Variants in TTC6 observed in about 807,000 individuals in gnomAD.
TTC6 encodes tetratricopeptide repeat domain 6.
TTC6 carries 172 observed loss-of-function variants against 210.4 expected under a neutral mutation model. The observed-to-expected ratio is 0.82, with a 90% CI of 0.72 to 0.93. The LOEUF (loss-of-function observed/expected upper bound fraction) is 0.93, where lower values mean the gene tolerates loss of function less well. TTC6 is among the 40% of genes least tolerant of loss of function. The probability of loss-of-function intolerance (pLI) is 0.00; values close to 1 mark genes in which losing one functional copy is unlikely to be tolerated. For missense variants in TTC6, 2,414 were observed against 2,318.1 expected, an observed-to-expected ratio of 1.04 and a Z score of -0.85; for synonymous variants, 804 against 819.6, an observed-to-expected ratio of 0.98 and a Z score of 0.32.
At chr14:37,748,835 GT>G (rs1433627956) in intron 10 of TTC6, 103 bp from the exon 13 acceptor site, 1 of 861,798 alleles carries the variant, frequency 1.2e-6, no homozygotes, top group Non-Finnish European at 1.7e-6. Context: ...ATGTAATTTT[GT>G]TTTGATAACA....
exon 17 of TTC6, chr14:37,792,322 T>C (rs760646327): frequency 1.3e-6 from 2 of 1,533,146 alleles, no homozygotes; most frequent in African/African-American, 1.4e-5. Flanking sequence ...CCTGGATAAC[T>C]ACACGGAAGC....
intron 29 of TTC6, among the ~76,000 whole-genome samples, chr14:37,832,182 T>C (rs2096186882): frequency 6.6e-6 from 1 of 152,030 alleles, no homozygotes; most frequent in East Asian, 1.9e-4. Context: ...CAGTTTTGTT[T>C]ATTTGGGTCT....
chr14:37,762,788 T>C (rs1392371012), intron 14 of TTC6, among the ~76,000 whole-genome samples: 15 of 152,194 alleles, frequency 9.9e-5, no homozygotes, highest in Admixed American at 9.8e-4. Context: ...TTACATTGAT[T>C]TATTTACACG....
chr14:37,780,547 A>T (rs1206339636), intron 14 of TTC6, among the ~76,000 whole-genome samples: 2 of 152,162 alleles, frequency 1.3e-5, no homozygotes, highest in Non-Finnish European at 2.9e-5. Context: ...AATGGCTTCT[A>T]ACTCCATCCA....
intron 1 of TTC6, among the ~76,000 whole-genome samples, chr14:37,635,526 A>C (rs1395196626): frequency 6.6e-6 from 1 of 152,174 alleles, no homozygotes; most frequent in African/African-American, 2.4e-5. Context: ...TAAAAATATG[A>C]CTCAATGATA....
chr14:37,696,874 GAGT>G, intron 4 of TTC6, 39 bp downstream of exon 6: 1 of 895,028 alleles, frequency 1.1e-6, no homozygotes, highest in South Asian at 2.6e-5. Flanking sequence ...ATTGGGAGAG[GAGT>G]TATTCAGTAG....
At chr14:37,600,087 C>T (rs767077622) in intron 1 of TTC6, among the ~76,000 whole-genome samples, 10 of 152,196 alleles carry the variant, frequency 6.6e-5, no homozygotes, top group African/African-American at 1.2e-4. Flanking sequence ...AGGGGAGGGA[C>T]TGGCAATGCA....
intron 2 of TTC6, among the ~76,000 whole-genome samples, 196 bp downstream of exon 4, chr14:37,680,457 C>T (rs559531311): frequency 3.3e-5 from 5 of 152,198 alleles, no homozygotes; most frequent in African/African-American, 1.2e-4. Context: ...CTACCATGGA[C>T]CTTCTGAGCT....
chr14:37,670,824 G>A (rs1055249252), intron 1 of TTC6, among the ~76,000 whole-genome samples: 1 of 151,928 alleles, frequency 6.6e-6, no homozygotes, highest in Non-Finnish European at 1.5e-5. Context: ...TTTTAAAAAG[G>A]CTAAGAAAAA....
chr14:37,770,040 C>A (rs1408143551), intron 14 of TTC6, among the ~76,000 whole-genome samples: 1 of 152,124 alleles, frequency 6.6e-6, no homozygotes, highest in Non-Finnish European at 1.5e-5. Context: ...ATCTTTATTT[C>A]TGCCTTCATT....
rs1169644241 is a variant in TTC6, at chr14:37,725,312, GTATATATATATATATATA to G, written c.1818+339_1818+356del. Reference sequence around the variant, plus strand: ...TATATGTATGTATGTGTGTGTGTGTGTATATATATATATATATATATATATATATATATATATATATAT... The same window carrying G: ...TATATGTATGTATGTGTGTGTGTGTGTATATATATATATATATATATATAT... On this transcript the variant is annotated intron_variant, in intron 7 of 30. Coordinates refer to ENST00000553443, the Ensembl canonical transcript of TTC6. Among the ~76,000 whole-genome samples, 79 of 33,914 alleles carry G rather than the reference GTATATATATATATATATA, an allele frequency of 2.3e-3. 1 individual carries two copies. Among genetic ancestry groups the G allele is most frequent in the African/African-American group, 6.9e-3 (68 of 9,844 alleles). The allele number at this position is 33,914 out of a possible 152,430, so 22.2% of individuals were successfully genotyped here. A position where few individuals can be genotyped will look rare whatever the true frequency, so the allele number is the denominator to read the frequency against.
chr14:37,677,438 T>A (rs1191115963), intron 1 of TTC6, among the ~76,000 whole-genome samples: 1 of 150,828 alleles, frequency 6.6e-6, no homozygotes, highest in East Asian at 1.9e-4. Flanking sequence ...CTAGTAGGTT[T>A]TTTTTGTATT....
At chr14:37,824,703 A>G (rs1347651918) in intron 27 of TTC6, among the ~76,000 whole-genome samples, 1 of 152,196 alleles carries the variant, frequency 6.6e-6, no homozygotes, top group Admixed American at 6.5e-5. Context: ...TAACTTGTAG[A>G]AAAATAACCT....
At chr14:37,607,835 G>C (rs1226528183) in intron 2 of TTC6, among the ~76,000 whole-genome samples, 1 of 151,986 alleles carries the variant, frequency 6.6e-6, no homozygotes, top group Non-Finnish European at 1.5e-5. Context: ...TTGCTATGTT[G>C]CTCAGAATGC....
chr14:37,622,977 G>A (rs2095654366), exon 1 of TTC6: 2 of 1,490,556 alleles, frequency 1.3e-6, no homozygotes, highest in South Asian at 2.5e-5. Context: ...GAGCGTCCTT[G>A]GCCAGAACTA....
rs896758264 is a variant in TTC6 at position 37,634,328 on chromosome 14, T to C, written c.939+11325T>C. ...AGGAAATTTTTAGTACTGGAAAATA[T>C]AATAACTGAAATAAAAACTCAGCAA... is the stretch of plus-strand genomic sequence containing the variant. On this transcript the variant is annotated intron_variant, in intron 1 of 30. Coordinates refer to ENST00000553443, the Ensembl canonical transcript of TTC6. Among the ~76,000 whole-genome samples, 101 of 151,844 alleles carry C rather than the reference T, an allele frequency of 6.7e-4. 1 individual carries two copies. The highest frequency in any genetic ancestry group is 1.9e-4 in the Non-Finnish European group (13 of 67,954).
At chr14:37,618,177 C>A (rs2095645757), upstream of TTC6, among the ~76,000 whole-genome samples, 2 of 152,140 alleles carry the variant, frequency 1.3e-5, no homozygotes, top group African/African-American at 4.8e-5. Context: ...CTGCAAGAAC[C>A]AGAGAGTAAC....
At chr14:37,756,125 G>A (rs748100750) in intron 14 of TTC6, among the ~76,000 whole-genome samples, 24 of 152,132 alleles carry the variant, frequency 1.6e-4, no homozygotes, top group Non-Finnish European at 2.8e-4. Flanking sequence ...GTGAATGGGA[G>A]TTCACTCATG....
intron 29 of TTC6, among the ~76,000 whole-genome samples, chr14:37,830,218 A>G (rs2096181496): frequency 6.6e-6 from 1 of 152,228 alleles, no homozygotes; most frequent in African/African-American, 2.4e-5. Flanking sequence ...AGCATGATGC[A>G]AAACGGATTT....
Sources: gnomAD v4.1 joint callset for allele counts (sites outside exome capture counted in the v4.1 genomes callset) on GRCh38, gnomAD v4.1.1 for gene constraint, MANE v1.5 for transcripts, NCBI Gene and HGNC (gene_info 2026-07-23, HGNC 2026-07-21) for gene names.